ZNF536: variants seen among roughly 807,000 people sequenced by gnomAD.
ZNF536 encodes zinc finger protein 536.
ZNF536 carries 13 observed loss-of-function variants against 84.5 expected under a neutral mutation model. That is an observed-to-expected ratio of 0.15 (90% CI 0.10 to 0.24). The LOEUF (loss-of-function observed/expected upper bound fraction) is 0.24. ZNF536 is among the 10% of genes least tolerant of loss of function. The probability of loss-of-function intolerance (pLI) is 1.00; values close to 1 mark genes in which losing one functional copy is unlikely to be tolerated. For missense variants in ZNF536, 1,536 were observed against 1,747.5 expected (o/e 0.88, Z 2.16); for synonymous variants, 811 against 742.5 (o/e 1.09, Z -1.50).
intron 2 of ZNF536, among the ~76,000 whole-genome samples, chr19:30,312,639 G>A (rs956295081): frequency 2.0e-5 from 3 of 152,152 alleles, no homozygotes; most frequent in Non-Finnish European, 4.4e-5. Flanking sequence ...ACCTGCATGG[G>A]GGGACCAGGT....
intron 2 of ZNF536, among the ~76,000 whole-genome samples, chr19:30,519,841 C>A (rs1209715885): frequency 6.6e-6 from 1 of 152,210 alleles, no homozygotes; most frequent in Non-Finnish European, 1.5e-5. Flanking sequence ...GAAAAACAGA[C>A]CCCATCCCAG....
chr19:30,404,022 T>A (rs945095739), intron 1 of ZNF536, among the ~76,000 whole-genome samples: 10 of 146,496 alleles, frequency 6.8e-5, no homozygotes, highest in Admixed American at 3.4e-4. Flanking sequence ...CTTTCCTCTT[T>A]TTTTTTTTTT....
intron 1 of ZNF536, among the ~76,000 whole-genome samples, chr19:30,563,613 C>A (rs555362269): frequency 6.6e-6 from 1 of 152,134 alleles, no homozygotes; most frequent in East Asian, 1.9e-4. Context: ...GAATGATCAC[C>A]TCTAATTTGC....
At chr19:30,252,995 G>A (rs1002508384) in intron 1 of ZNF536, among the ~76,000 whole-genome samples, 2 of 152,216 alleles carry the variant, frequency 1.3e-5, no homozygotes, top group Admixed American at 6.5e-5. Context: ...GATGGTGATG[G>A]TGATGGTGAT....
upstream of ZNF536, among the ~76,000 whole-genome samples, chr19:30,367,558 G>A (rs929909407): frequency 3.3e-5 from 5 of 152,280 alleles, no homozygotes; most frequent in East Asian, 1.9e-4. Flanking sequence ...TGTGGAGTGC[G>A]GGGAGCTGGA....
At chr19:30,707,960 G>A (rs1266013730) in intron 1 of ZNF536, among the ~76,000 whole-genome samples, 2 of 146,612 alleles carry the variant, frequency 1.4e-5, no homozygotes, top group Non-Finnish European at 3.0e-5. Flanking sequence ...GCAGTAAGCT[G>A]AGATCATGCC....
At chr19:30,632,326 C>T (rs1431796222) in intron 1 of ZNF536, among the ~76,000 whole-genome samples, 3 of 152,304 alleles carry the variant, frequency 2.0e-5, no homozygotes, top group Admixed American at 6.5e-5. Context: ...AGAAGTCCAG[C>T]CAGGTGAGGT....
chr19:30,587,066 A>G (rs1052309996), intron 1 of ZNF536, among the ~76,000 whole-genome samples: 6 of 152,256 alleles, frequency 3.9e-5, no homozygotes, highest in Non-Finnish European at 7.3e-5. Context: ...CTCTGTCCAC[A>G]CATATCTTGA....
chr19:30,502,676 C>A (rs2054999539), intron 2 of ZNF536, among the ~76,000 whole-genome samples: 1 of 152,104 alleles, frequency 6.6e-6, no homozygotes, highest in African/African-American at 2.4e-5. Flanking sequence ...GACAAAAGTC[C>A]TGAGATGCCT....
chr19:30,627,117 G>T (rs2048709441), intron 1 of ZNF536, among the ~76,000 whole-genome samples: 1 of 152,038 alleles, frequency 6.6e-6, no homozygotes, highest in Non-Finnish European at 1.5e-5. Flanking sequence ...TCTGCTATCT[G>T]CCTCCCTGTG....
intron 3 of ZNF536, among the ~76,000 whole-genome samples, chr19:30,353,459 T>C (rs938285494): frequency 6.6e-6 from 1 of 152,098 alleles, no homozygotes; most frequent in African/African-American, 2.4e-5. Context: ...TCTTGGTGGG[T>C]GTATTTCGTG....
chr19:30,401,398 G>A (rs1307298908), intron 1 of ZNF536, among the ~76,000 whole-genome samples: 1 of 152,156 alleles, frequency 6.6e-6, no homozygotes, highest in Non-Finnish European at 1.5e-5. Context: ...GACTCCCCAT[G>A]TCCCAGTACC....
intron 3 of ZNF536, among the ~76,000 whole-genome samples, chr19:30,541,015 C>A (rs1293667345): frequency 6.6e-6 from 1 of 152,238 alleles, no homozygotes; most frequent in Non-Finnish European, 1.5e-5. Context: ...GCGCTCTGAC[C>A]TCCTGGGATG....
At chr19:30,635,883 C>T (rs1031105536) in intron 1 of ZNF536, among the ~76,000 whole-genome samples, 3 of 152,196 alleles carry the variant, frequency 2.0e-5, no homozygotes, top group Non-Finnish European at 4.4e-5. Flanking sequence ...TGCTGGAAAC[C>T]CAGCTCCCTG....
At chr19:30,544,760 T>C (rs2045476097) in intron 3 of ZNF536, among the ~76,000 whole-genome samples, 2 of 152,226 alleles carry the variant, frequency 1.3e-5, no homozygotes, top group South Asian at 4.1e-4. Flanking sequence ...GACAAGTATG[T>C]GCACAAGTAG....
chr19:30,614,941 A>ACTTTTTTTTTTTTTTT (rs1568604841), intron 1 of ZNF536, among the ~76,000 whole-genome samples: 1 of 34,368 alleles, frequency 2.9e-5, no homozygotes, highest in African/African-American at 1.2e-4. Flanking sequence ...CCCCCTTTTC[A>ACTTTTTTTTTTTTTTT]ATTTTTTTTT....
intron 1 of ZNF536, among the ~76,000 whole-genome samples, chr19:30,259,339 A>G (rs2025074117): frequency 6.6e-6 from 1 of 152,220 alleles, no homozygotes; most frequent in Non-Finnish European, 1.5e-5. Context: ...AGGGATGGTT[A>G]CCATCTTTCC....
intron 2 of ZNF536, among the ~76,000 whole-genome samples, chr19:30,505,213 A>G (rs1023357468): frequency 6.9e-6 from 1 of 144,204 alleles, no homozygotes; most frequent in Non-Finnish European, 1.5e-5. Flanking sequence ...TATATATTAT[A>G]TTATTATGAG....
chr19:30,227,165 A>G (rs537197587), upstream of ZNF536, among the ~76,000 whole-genome samples: 27 of 151,666 alleles, frequency 1.8e-4, no homozygotes, highest in East Asian at 4.7e-3. Context: ...GGGAAAAAGA[A>G]AGAAAAAGGG....
Sources: allele counts gnomAD v4.1 joint callset (sites outside exome capture counted in the v4.1 genomes callset), GRCh38; gene constraint gnomAD v4.1.1; transcripts MANE v1.5; gene names NCBI Gene and HGNC (gene_info 2026-07-23, HGNC 2026-07-21).